The following HAUS3 variants were observed in gnomAD, a reference collection of about 807,000 sequenced individuals.
HAUS3 encodes the protein HAUS augmin like complex subunit 3.
HAUS3 carries 36 observed loss-of-function variants against 55.2 expected under a neutral mutation model. The ratio of observed to expected loss-of-function variants is 0.65; its 90% CI spans 0.50 to 0.86. The LOEUF (loss-of-function observed/expected upper bound fraction) is 0.86, where lower values mean the gene tolerates loss of function less well. Among genes scored for constraint, HAUS3 ranks in the 40% least tolerant of loss-of-function variants. The pLI is 0.00. For missense variants in HAUS3, 752 were observed against 671.5 expected (o/e 1.12, Z -1.33); for synonymous variants, 234 against 238.6 (o/e 0.98, Z 0.18).
chr4:2,233,982 T>C (rs922267346), intron 5 of HAUS3, among the ~76,000 whole-genome samples: 2 of 151,928 alleles, frequency 1.3e-5, no homozygotes, highest in African/African-American at 4.8e-5. Context: ...CAAGAATGTA[T>C]CCAGATGAAA....
Position 2,238,791 on chromosome 4 carries a change from G to A in HAUS3, c.1162C>T (p.Gln388Ter). The change falls in exon 4 of 6, where the codon CAG (glutamine) becomes TAG (stop). Residue 388 changes from glutamine (Q) to a stop codon, truncating the protein, a stop_gained. Transcript: ENST00000443786. LOFTEE classifies it high-confidence loss of function. ...IKQKASFELL[Q>*]LSYEIELRKH... Reference sequence around the variant, plus strand: ...CTTAATTCAATTTCATATGATAACTGTAGAAGTTCAAATGATGCCTTTTGT... The same window carrying A: ...CTTAATTCAATTTCATATGATAACTATAGAAGTTCAAATGATGCCTTTTGT... 6.2e-7 allele frequency: 1 copy of A among 1,613,398 alleles called. No individual in the cohort carries two copies. The highest frequency in any genetic ancestry group is 8.5e-7 in the Non-Finnish European group (1 of 1,179,528).
chr4:2,237,380 GA>G (rs140269831), intron 4 of HAUS3, among the ~76,000 whole-genome samples: 19,882 of 151,738 alleles, frequency 0.13, 1,950 homozygotes, highest in East Asian at 0.35. Flanking sequence ...AGGTTGCAGT[GA>G]GCTATCATCA....
chr4:2,236,480 T>A, intron 4 of HAUS3, 24 bp from the exon 5 acceptor site: 1 of 1,500,992 alleles, frequency 6.7e-7, no homozygotes. Flanking sequence ...ATTAAAATTA[T>A]AGGGAAAAAT....
chr4:2,228,995 C>G lies in HAUS3; in HGVS notation c.*2932G>C, dbSNP rs1283206576. 1.5e-5 allele frequency: 17 copies of G among 1,159,062 alleles called. No homozygotes were observed. In the South Asian group the frequency reaches 2.6e-4, roughly 18 times the overall value. 71.8% of individuals were successfully genotyped at this position (1,159,062 alleles called of 1,614,324 possible). On this transcript the variant is annotated 3_prime_UTR_variant, in exon 6 of 6. Transcript: ENST00000443786. The stretch of plus-strand genomic sequence containing the variant: ...TGAATGAGTGTAAAAGGGGCGGGAG[C>G]TGGGCTTCATCTGTCTACATGCATT...
rs764201981 is a variant in HAUS3, at chr4:2,240,097, A to T, written c.850T>A (p.Ser284Thr). 1.9e-6 allele frequency: 3 copies of T among 1,614,068 alleles called. No homozygotes were observed. Among genetic ancestry groups the T allele is most frequent in the Non-Finnish European group, 2.5e-6 (3 of 1,179,974 alleles). The change falls in exon 3 of 6, where the codon TCG becomes ACG. Residue 284 changes from serine to threonine, a missense_variant. Physicochemically the swap from Ser to Thr is moderately conservative, Grantham distance 58. Transcript: ENST00000443786. The stretch of plus-strand genomic sequence containing the variant: ...CATTTTATACTTGACTTCATGCTCG[A>T]ATTACTTGCTTTTAAGTGAATTAAC... ...HQLIHLKASN[S>T]SMKSSIKWAE...
In HAUS3 at chr4:2,230,974, A is replaced by G. The variant is rs1416251363; in HGVS notation, c.*953T>C. ...ATACATCTTTTGAGCAACCACTTTT[A>G]CAGAATTTTGAAATTCAAATTTCAT... On this transcript the variant is annotated 3_prime_UTR_variant, in exon 6 of 6. Transcript: ENST00000443786. 1 of 152,228 alleles carries G rather than the reference A, an allele frequency of 6.6e-6. No individual in the cohort carries two copies. Among genetic ancestry groups the G allele is most frequent in the Non-Finnish European group, 1.5e-5 (1 of 68,044 alleles). 9.4% of individuals were successfully genotyped at this position (152,228 alleles called of 1,614,324 possible).
At chr4:2,236,199 C>T (rs1734758030) in intron 5 of HAUS3, 29 bp downstream of exon 5, 2 of 1,364,194 alleles carry the variant, frequency 1.5e-6, no homozygotes, top group Non-Finnish European at 2.0e-6. Context: ...TTTTAAAAAG[C>T]ATTTTTAACT....
rs1735004772 is a variant in HAUS3, at chr4:2,241,923, G to A, written c.-419+128C>T. The A allele has an allele frequency of 9.1e-6, 9 of 985,412 alleles. 1 individual carries two copies. The Admixed American group carries it at 4.3e-4, about 47-fold the overall frequency. 61.0% of individuals were successfully genotyped at this position (985,412 alleles called of 1,614,324 possible). On this transcript the variant is annotated intron_variant, in intron 1 of 5. Coordinates refer to ENST00000443786, the MANE Select transcript of HAUS3 (RefSeq NM_001303143.2). ...ACCGGGCCCTGATCCCCGGGCAGCT[G>A]CTGGAGCACCTGGAAGGAGCCCCCA...
rs550942503 is a variant in HAUS3 at position 2,241,969 on chromosome 4, G to A, written c.-419+82C>T. On this transcript the variant is annotated intron_variant, in intron 1 of 5. Coordinates refer to ENST00000443786, the MANE Select transcript of HAUS3 (RefSeq NM_001303143.2). ...CCCCAGGAGCGCAGGAAAAAAAAGA[G>A]GCACCTGGGTGCAGACGGGGATCGC... 7 of 985,514 alleles carry A rather than the reference G, an allele frequency of 7.1e-6. No individual in the cohort carries two copies. In the African/African-American group the frequency reaches 1.2e-4, roughly 17 times the overall value. The allele number at this position is 985,514 out of a possible 1,614,324, so 61.0% of individuals were successfully genotyped here.
chr4:2,240,310 C>CTGCTG lies in HAUS3; in HGVS notation c.632_636dup (p.Ala213GlnfsTer4), dbSNP rs761620636. The CTGCTG allele has an allele frequency of 3.5e-5, 56 of 1,608,808 alleles. No individual in the cohort carries two copies. The highest frequency in any genetic ancestry group is 4.6e-5 in the Non-Finnish European group (54 of 1,176,850). ...TGTTTTTTGGTATACAAAGTTAATG[C>CTGCTG]TGCTGTGCTTTGCTCTTCCTGACTT... On this transcript the variant is annotated frameshift_variant, in exon 3 of 6. Transcript: ENST00000443786. LOFTEE classifies it high-confidence loss of function.
At chr4:2,233,963 C>T (rs1179) in intron 5 of HAUS3, among the ~76,000 whole-genome samples, 38,249 of 151,850 alleles carry the variant, frequency 0.25, 7,700 homozygotes, top group African/African-American at 0.54. Context: ...ACCCCAATGA[C>T]CCTATTTCCA....
In HAUS3 at chr4:2,236,403, T is replaced by A; in HGVS notation, c.1403A>T (p.His468Leu). The A allele has an allele frequency of 6.2e-7, 1 of 1,613,780 alleles. No individual in the cohort carries two copies. Among genetic ancestry groups the A allele is most frequent in the Non-Finnish European group, 8.5e-7 (1 of 1,179,768 alleles). Residue 468 changes from histidine (H) to leucine (L), a missense_variant, in exon 5 of 6, where the codon CAT becomes CTT. Physicochemically the swap from His to Leu is moderately conservative, Grantham distance 99 (BLOSUM62 -3). Coordinates refer to ENST00000443786, the MANE Select transcript of HAUS3 (RefSeq NM_001303143.2). ...CTCAGCCACTTCCTCAAGGTTTCCA[T>A]GAGTTAGAAACAATTCTTTTTTCTT... ...ENKKKELFLT[H>L]GNLEEVAEKL...
At position 2,231,757 on chromosome 4, in the gene HAUS3, G is replaced by T. The variant is rs1049602951; in HGVS notation, c.*170C>A. ...CATGCTCAAGTCATAAAAAGCACTGGTATTCTGAATGTACTACATGAGAAA... is the reference window on the plus strand; with the variant it reads ...CATGCTCAAGTCATAAAAAGCACTGTTATTCTGAATGTACTACATGAGAAA... On this transcript the variant is annotated 3_prime_UTR_variant, in exon 6 of 6. Transcript: ENST00000443786. 1.8e-4 allele frequency: 87 copies of T among 484,488 alleles called. No individual in the cohort carries two copies. Among genetic ancestry groups the T allele is most frequent in the Non-Finnish European group, 2.9e-4 (80 of 272,492 alleles). 30.0% of individuals were successfully genotyped at this position (484,488 alleles called of 1,614,324 possible).
In HAUS3 at chr4:2,232,193, C is replaced by T. The variant is rs762054851; in HGVS notation, c.1579-33G>A. 8.3e-6 allele frequency: 8 copies of T among 967,434 alleles called. No homozygotes were observed. The Admixed American group carries it at 8.8e-5, about 11-fold the overall frequency. 59.9% of individuals were successfully genotyped at this position (967,434 alleles called of 1,614,324 possible). A position where few individuals can be genotyped will look rare whatever the true frequency, so the allele number is the denominator to read the frequency against. On this transcript the variant is annotated intron_variant, in intron 5 of 5. Transcript: ENST00000443786. ...AGGAAAATAAAAATAAAAATTAAAA[C>T]ACTTTATTCCTAATACCAATTATAA...
chr4:2,239,360 A>G (rs527397089), intron 3 of HAUS3, among the ~76,000 whole-genome samples: 5 of 152,332 alleles, frequency 3.3e-5, no homozygotes, highest in African/African-American at 1.2e-4. Flanking sequence ...ATATGTTACT[A>G]GTTTTTCTTA....
At chr4:2,232,257 TTAA>T (rs1577793328) in intron 5 of HAUS3, 97 bp from the exon 6 acceptor site, 2 of 565,326 alleles carry the variant, frequency 3.5e-6, no homozygotes, top group East Asian at 3.4e-5. Context: ...TTTAAAGGAC[TTAA>T]TAACTTCCCG....
In HAUS3 at chr4:2,240,401, A is replaced by G. The variant is rs752477168; in HGVS notation, c.546T>C (p.His182=). The G allele has an allele frequency of 2.7e-5, 43 of 1,612,384 alleles. 1 individual carries two copies. The South Asian group carries it at 3.9e-4, about 14-fold the overall frequency. Reference sequence around the variant, plus strand: ...GATTTGTCCCTTGACCTAAATTAGAATGTCTGAAGAACATCATCAATTGTG... The same window carrying G: ...GATTTGTCCCTTGACCTAAATTAGAGTGTCTGAAGAACATCATCAATTGTG... ...EVTQLMMFFR[H]SNLGQGTNPL... is the part of the protein sequence containing the mutation. The change falls in exon 3 of 6, where the codon CAT becomes CAC. Residue 182 remains histidine (H), a synonymous_variant. Transcript: ENST00000443786.
In HAUS3 at chr4:2,240,148, G is replaced by A. The variant is rs769131863; in HGVS notation, c.799C>T (p.Leu267Phe). The change falls in exon 3 of 6, where the codon CTC becomes TTC. Residue 267 changes from leucine (L) to phenylalanine (F), a missense_variant. Physicochemically the swap from Leu to Phe is conservative, Grantham distance 22. Transcript: ENST00000443786. ...ERRLEMARLQ[L>F]AYICAQHQLI... ...TGATGTTGAGCACAAATGTATGCGA[G>A]CTGCAGTCTAGCCATCTCTAGTCGT... 5.0e-6 allele frequency: 8 copies of A among 1,613,670 alleles called. No homozygotes were observed. The South Asian group carries it at 8.8e-5, about 18-fold the overall frequency.
At chr4:2,239,280 A>G (rs541808907) in intron 3 of HAUS3, among the ~76,000 whole-genome samples, 1 of 152,196 alleles carries the variant, frequency 6.6e-6, no homozygotes, top group African/African-American at 2.4e-5. Flanking sequence ...CGGCTACCAA[A>G]ATAGAGATCT....
Sources: allele counts gnomAD v4.1 joint callset (sites outside exome capture counted in the v4.1 genomes callset), GRCh38; gene constraint gnomAD v4.1.1; transcripts MANE v1.5; gene names NCBI Gene and HGNC (gene_info 2026-07-23, HGNC 2026-07-21).